The following DMD variants were observed in gnomAD, a reference collection of about 807,000 sequenced individuals.
DMD encodes the protein mutant dystrophin.
Under a neutral mutation model 330.1 loss-of-function variants are expected in DMD, and 63 were observed. The ratio of observed to expected loss-of-function variants is 0.19; its 90% CI spans 0.16 to 0.24. The LOEUF (loss-of-function observed/expected upper bound fraction) is 0.24, where lower values mean the gene tolerates loss of function less well. DMD is among the 10% of genes least tolerant of loss of function. The probability of loss-of-function intolerance (pLI) is 1.00; values close to 1 mark genes in which losing one functional copy is unlikely to be tolerated. For synonymous variants in DMD, 1,223 were observed against 959.8 expected (o/e 1.27, Z -5.07); for missense variants, 3,344 against 2,684.1 (o/e 1.25, Z -5.43).
chrX:31,439,383 A>G (rs1169631773), intron 60 of DMD, among the ~76,000 whole-genome samples: 1 of 111,997 alleles, frequency 8.9e-6, no homozygotes, highest in African/African-American at 3.2e-5. Flanking sequence ...CAAAGGGATG[A>G]AAGAAGGAAT....
At chrX:32,022,739 G>A (rs1315474151) in intron 44 of DMD, among the ~76,000 whole-genome samples, 2 of 111,892 alleles carry the variant, frequency 1.8e-5, no homozygotes, top group African/African-American at 6.5e-5. Context: ...TACACAGAAT[G>A]GGGAATGCAA....
At chrX:31,844,654 A>G (rs1415277445) in intron 48 of DMD, among the ~76,000 whole-genome samples, 1 of 111,652 alleles carries the variant, frequency 9.0e-6, no homozygotes, top group Non-Finnish European at 1.9e-5. Flanking sequence ...CTTCCTTTCC[A>G]TTAACATGGA....
intron 1 of DMD, among the ~76,000 whole-genome samples, chrX:33,244,155 G>A (rs2052631518): frequency 9.0e-6 from 1 of 111,338 alleles, no homozygotes; most frequent in African/African-American, 3.3e-5. Flanking sequence ...AGTGGAGACA[G>A]TGAGTATCCT....
At chrX:31,723,685 C>T (rs1233535180) in intron 52 of DMD, among the ~76,000 whole-genome samples, 3 of 104,824 alleles carry the variant, frequency 2.9e-5, no homozygotes, top group South Asian at 4.5e-4. Flanking sequence ...TGCTGATATT[C>T]GTCTTCCACC....
At chrX:32,721,527 T>G (rs768501144) in intron 7 of DMD, among the ~76,000 whole-genome samples, 7 of 111,168 alleles carry the variant, frequency 6.3e-5, no homozygotes, top group Non-Finnish European at 1.1e-4. Context: ...GTTCAAGTTC[T>G]TTCCCAATTT....
At chrX:33,232,927 G>A (rs966012838) in intron 1 of DMD, among the ~76,000 whole-genome samples, 7 of 111,233 alleles carry the variant, frequency 6.3e-5, no homozygotes, top group Admixed American at 1.9e-4. Flanking sequence ...CAGAAATGGC[G>A]GAAGGGTCCT....
intron 30 of DMD, among the ~76,000 whole-genome samples, chrX:32,391,540 AAT>A (rs774204072): frequency 8.9e-5 from 10 of 112,204 alleles, no homozygotes; most frequent in Admixed American, 8.5e-4. Flanking sequence ...GAATTACCTA[AAT>A]AGTTAGAATT....
chrX:31,145,491 A>T (rs895822923), intron 76 of DMD, among the ~76,000 whole-genome samples: 2 of 111,342 alleles, frequency 1.8e-5, no homozygotes, highest in Admixed American at 1.9e-4. Context: ...CACTTACTTC[A>T]AGTATAGATC....
At chrX:32,175,649 A>G (rs1603627658) in intron 44 of DMD, among the ~76,000 whole-genome samples, 3 of 78,357 alleles carry the variant, frequency 3.8e-5, no homozygotes, top group Admixed American at 3.6e-4. Context: ...TATGACCTTA[A>G]GTAAGTCTGT....
intron 11 of DMD, among the ~76,000 whole-genome samples, chrX:32,618,213 C>A (rs1396258795): frequency 8.9e-6 from 1 of 112,173 alleles, no homozygotes; most frequent in Non-Finnish European, 1.9e-5. Context: ...GACACATGCA[C>A]ACATATGTTC....
At chrX:33,166,349 T>C (rs2049052248) in intron 1 of DMD, among the ~76,000 whole-genome samples, 1 of 111,348 alleles carries the variant, frequency 9.0e-6, no homozygotes, top group African/African-American at 3.3e-5. Context: ...TTAACAGGAT[T>C]ATTCTTTAAA....
intron 41 of DMD, among the ~76,000 whole-genome samples, chrX:32,324,216 A>G (rs964767124): frequency 3.6e-5 from 4 of 111,790 alleles, no homozygotes; most frequent in Non-Finnish European, 7.5e-5. Context: ...TGACTTAATC[A>G]TTATACATTC....
chrX:32,822,073 A>T, intron 5 of DMD, among the ~76,000 whole-genome samples: 1 of 111,489 alleles, frequency 9.0e-6, no homozygotes, highest in East Asian at 2.8e-4. Context: ...ATTTATAAAA[A>T]AGTAATCCCG....
At chrX:33,115,668 C>T (rs1420285408) in intron 1 of DMD, among the ~76,000 whole-genome samples, 2 of 107,857 alleles carry the variant, frequency 1.9e-5, no homozygotes, top group Non-Finnish European at 3.8e-5. Context: ...CCCGCAACCA[C>T]GCCCGGCTAA....
At chrX:33,170,099 T>C (rs1275873829) in intron 1 of DMD, among the ~76,000 whole-genome samples, 2 of 111,493 alleles carry the variant, frequency 1.8e-5, no homozygotes, top group African/African-American at 6.5e-5. Context: ...GTTGAGTATG[T>C]ACCCAAAAGC....
At chrX:31,322,323 C>T (rs903684554) in intron 62 of DMD, among the ~76,000 whole-genome samples, 2 of 111,292 alleles carry the variant, frequency 1.8e-5, no homozygotes, top group Non-Finnish European at 3.8e-5. Flanking sequence ...ATATACAGTG[C>T]ATGTCTACAG....
At chrX:32,068,908 G>A (rs899904721) in intron 44 of DMD, among the ~76,000 whole-genome samples, 3 of 111,200 alleles carry the variant, frequency 2.7e-5, no homozygotes, top group Admixed American at 9.6e-5. Context: ...TATAAATTCC[G>A]AATTGGAACA....
intron 9 of DMD, among the ~76,000 whole-genome samples, chrX:32,659,058 C>T (rs2060780166): frequency 8.9e-6 from 1 of 111,806 alleles, no homozygotes; most frequent in Non-Finnish European, 1.9e-5. Context: ...ACTTTCACTG[C>T]CTCATTGTTT....
At chrX:31,606,534 G>C (rs1348305766) in intron 55 of DMD, among the ~76,000 whole-genome samples, 1 of 111,334 alleles carries the variant, frequency 9.0e-6, no homozygotes, top group East Asian at 2.8e-4. Flanking sequence ...ATAAAATAAA[G>C]TAACATGTAC....
Sources: allele counts gnomAD v4.1 joint callset (sites outside exome capture counted in the v4.1 genomes callset), GRCh38; gene constraint gnomAD v4.1.1; transcripts MANE v1.5; gene names NCBI Gene and HGNC (gene_info 2026-07-23, HGNC 2026-07-21).